Variants in UTRN observed in about 807,000 individuals in gnomAD.
UTRN encodes the protein dystrophin-related protein 1.
A neutral mutation model predicts 463.9 loss-of-function variants in UTRN; 283 were observed. The ratio of observed to expected loss-of-function variants is 0.61; its 90% CI spans 0.55 to 0.67. The LOEUF (loss-of-function observed/expected upper bound fraction) is 0.67, where lower values mean the gene tolerates loss of function less well. Among genes scored for constraint, UTRN ranks in the 30% least tolerant of loss-of-function variants. The pLI is 0.00. For missense variants in UTRN, 3,922 were observed against 4,084.3 expected, an observed-to-expected ratio of 0.96 and a Z score of 1.08; for synonymous variants, 1,442 against 1,431.5, an observed-to-expected ratio of 1.01 and a Z score of -0.17.
chr6:144,790,745 G>A (rs1412017539), intron 62 of UTRN, among the ~76,000 whole-genome samples: 1 of 152,174 alleles, frequency 6.6e-6, no homozygotes, highest in African/African-American at 2.4e-5. Context: ...TAATGATCAG[G>A]AAAGGAAAAT....
rs199647950 is a variant in UTRN at position 144,771,894 on chromosome 6, C to CT, written c.8496-5dup. The stretch of plus-strand genomic sequence containing the variant: ...TTTTTGTTTATTTTTAAAATTTTAC[C>CT]TTTTTTTTCCAGCCATCAAACACAG... On this transcript the variant is annotated splice_polypyrimidine_tract_variant and intron_variant, in intron 58 of 74. Coordinates refer to ENST00000367545, the MANE Select transcript of UTRN (RefSeq NM_007124.3). 1,939 of 1,571,002 alleles carry CT rather than the reference C, an allele frequency of 1.2e-3. 30 individuals carry two copies. In the East Asian group the frequency reaches 0.036, roughly 29 times the overall value.
chr6:144,705,264 A>G (rs976118655), intron 53 of UTRN, among the ~76,000 whole-genome samples: 2 of 152,108 alleles, frequency 1.3e-5, no homozygotes, highest in African/African-American at 4.8e-5. Flanking sequence ...CTTTTATTTA[A>G]AGGCTGGCTC....
chr6:144,436,047 CCTGGTTG>C lies in UTRN; in HGVS notation c.971_977del (p.Trp324PhefsTer31). ...CAGATTGCGTTGGAGGAAGTGCTGA[CCTGGTTG>C]CTTTCTGCTGAGGACACTTTCCAGG... On this transcript the variant is annotated frameshift_variant, in exon 10 of 75. Coordinates refer to ENST00000367545, the MANE Select transcript of UTRN (RefSeq NM_007124.3). LOFTEE classifies it high-confidence loss of function. The C allele has an allele frequency of 6.2e-7, 1 of 1,614,192 alleles. No homozygotes were observed. The highest frequency in any genetic ancestry group is 8.5e-7 in the Non-Finnish European group (1 of 1,180,038).
chr6:144,386,019 A>AT (rs1432111492), intron 2 of UTRN, among the ~76,000 whole-genome samples: 1 of 152,086 alleles, frequency 6.6e-6, no homozygotes, highest in Non-Finnish European at 1.5e-5. Context: ...CAGAACCCTA[A>AT]TTTTTAACAG....
intron 64 of UTRN, among the ~76,000 whole-genome samples, chr6:144,798,580 T>A (rs964589666): frequency 1.3e-5 from 2 of 152,306 alleles, no homozygotes; most frequent in Non-Finnish European, 2.9e-5. Context: ...TTTTTGGACA[T>A]CCTGATCCAC....
intron 52 of UTRN, among the ~76,000 whole-genome samples, chr6:144,697,985 C>T (rs1285670794): frequency 3.3e-5 from 5 of 152,106 alleles, no homozygotes; most frequent in African/African-American, 4.8e-5. Flanking sequence ...GCAGGGAACA[C>T]GTATAAATGT....
At chr6:144,818,113 T>G in intron 65 of UTRN, among the ~76,000 whole-genome samples, 1 of 152,292 alleles carries the variant, frequency 6.6e-6, no homozygotes, top group African/African-American at 2.4e-5. Context: ...CAAGAGTTCA[T>G]GTTGGAACTC....
intron 10 of UTRN, among the ~76,000 whole-genome samples, chr6:144,437,341 G>A (rs945688863): frequency 1.3e-5 from 2 of 152,172 alleles, no homozygotes; most frequent in African/African-American, 4.8e-5. Context: ...ATTATCAGAT[G>A]CATCATTGCT....
At chr6:144,591,488 A>G (rs1803067858) in intron 51 of UTRN, among the ~76,000 whole-genome samples, 1 of 152,148 alleles carries the variant, frequency 6.6e-6, no homozygotes, top group Non-Finnish European at 1.5e-5. Context: ...AATCTAGTTA[A>G]CCCACAAAGA....
At chr6:144,730,796 A>G (rs929327900) in intron 54 of UTRN, among the ~76,000 whole-genome samples, 29 of 151,618 alleles carry the variant, frequency 1.9e-4, no homozygotes, top group Admixed American at 1.8e-3. Context: ...TTATATTTAA[A>G]CAAGTTACAT....
Position 144,347,837 on chromosome 6 carries a change from G to GTTTTTTTTTTTTTTTTTTT in UTRN, c.80-55274_80-55273insTTTTTTTTTTTTTTTTTTT, listed in dbSNP as rs560581181. On this transcript the variant is annotated intron_variant, in intron 2 of 74. Coordinates refer to ENST00000367545, the MANE Select transcript of UTRN (RefSeq NM_007124.3). ...TCTCCTGAACTGTGGCTTATTCTTT[G>GTTTTTTTTTTTTTTTTTTT]TTTTTTTTTTTTGTTTTTTTTTTTG... 2.5e-4 allele frequency among the ~76,000 whole-genome samples: 32 copies of GTTTTTTTTTTTTTTTTTTT among 128,900 alleles called. 2 individuals carry two copies. Among genetic ancestry groups the GTTTTTTTTTTTTTTTTTTT allele is most frequent in the African/African-American group, 1.0e-3 (30 of 29,470 alleles). The allele number at this position is 128,900 out of a possible 152,430, so 84.6% of individuals were successfully genotyped here. A position where few individuals can be genotyped will look rare whatever the true frequency, so the allele number is the denominator to read the frequency against.
intron 32 of UTRN, among the ~76,000 whole-genome samples, chr6:144,491,622 G>T (rs1490506287): frequency 6.6e-6 from 1 of 152,122 alleles, no homozygotes; most frequent in African/African-American, 2.4e-5. Flanking sequence ...AAATAATGTG[G>T]CTAAGGGGAC....
chr6:144,529,067 AG>A (rs1235860024), intron 41 of UTRN, among the ~76,000 whole-genome samples: 19 of 152,154 alleles, frequency 1.2e-4, no homozygotes, highest in Admixed American at 2.0e-4. Context: ...ACAGGTTGCC[AG>A]GGAAGTGAGG....
intron 2 of UTRN, among the ~76,000 whole-genome samples, chr6:144,339,313 A>G (rs1450017191): frequency 6.6e-6 from 1 of 152,232 alleles, no homozygotes; most frequent in Non-Finnish European, 1.5e-5. Context: ...TTCATTAGAT[A>G]GGCATGATTC....
chr6:144,474,475 A>G, intron 24 of UTRN, 129 bp from the exon 25 acceptor site: 1 of 946,274 alleles, frequency 1.1e-6, no homozygotes, highest in South Asian at 2.2e-5. Flanking sequence ...ATATTTCTTA[A>G]GTAGTTAGAA....
intron 40 of UTRN, 52 bp downstream of exon 40, chr6:144,522,223 G>A: frequency 7.3e-7 from 1 of 1,372,512 alleles, no homozygotes; most frequent in Non-Finnish European, 9.5e-7. Context: ...TAGAAGTAGA[G>A]GAAGAAATTT....
At chr6:144,327,509 C>T (rs1205574239) in intron 2 of UTRN, among the ~76,000 whole-genome samples, 5 of 152,194 alleles carry the variant, frequency 3.3e-5, no homozygotes, top group African/African-American at 9.7e-5. Context: ...TAACTCCCTC[C>T]AGGCTCGGCC....
intron 33 of UTRN, among the ~76,000 whole-genome samples, chr6:144,495,978 G>A (rs867133765): frequency 1.1e-4 from 17 of 151,854 alleles, no homozygotes; most frequent in Non-Finnish European, 1.3e-4. Flanking sequence ...AAAACATCAG[G>A]GCTCTAGTAA....
At chr6:144,431,337 G>A (rs183838211) in intron 9 of UTRN, among the ~76,000 whole-genome samples, 151 of 152,282 alleles carry the variant, frequency 9.9e-4, no homozygotes, top group African/African-American at 3.6e-3. Flanking sequence ...GAAAACATTT[G>A]CTATTTGATT....
Sources: allele counts gnomAD v4.1 joint callset (sites outside exome capture counted in the v4.1 genomes callset), GRCh38; gene constraint gnomAD v4.1.1; transcripts MANE v1.5; gene names NCBI Gene and HGNC (gene_info 2026-07-23, HGNC 2026-07-21).